Variants in HLCS observed in about 807,000 individuals in gnomAD.
HLCS encodes biotin--protein ligase.
Under a neutral mutation model 75.0 loss-of-function variants are expected in HLCS, and 53 were observed. The ratio of observed to expected loss-of-function variants is 0.71; its 90% CI spans 0.57 to 0.89. HLCS has a LOEUF of 0.89. HLCS is among the 40% of genes least tolerant of loss of function. The pLI, the probability that HLCS is intolerant of heterozygous loss-of-function variation, is 0.00. For missense variants in HLCS, 966 were observed against 1,074.0 expected (o/e 0.90, Z 1.41); for synonymous variants, 431 against 428.6 (o/e 1.01, Z -0.07).
At chr21:36,871,084 C>A (rs1277649790) in intron 6 of HLCS, among the ~76,000 whole-genome samples, 2 of 152,182 alleles carry the variant, frequency 1.3e-5, no homozygotes, top group African/African-American at 2.4e-5. Flanking sequence ...CGGCCGTGTG[C>A]CCAGCAGGGA....
At chr21:36,868,392 G>A (rs544225506) in intron 6 of HLCS, among the ~76,000 whole-genome samples, 19 of 152,182 alleles carry the variant, frequency 1.2e-4, no homozygotes, top group African/African-American at 4.1e-4. Flanking sequence ...GTGGGAATGA[G>A]AGAAAGGAAG....
chr21:36,954,476 C>A (rs1331072296), intron 2 of HLCS, among the ~76,000 whole-genome samples: 1 of 151,256 alleles, frequency 6.6e-6, no homozygotes, highest in Non-Finnish European at 1.5e-5. Flanking sequence ...ATTAACCAGG[C>A]GTGGTGGCGG....
chr21:36,938,966 G>A lies in HLCS; in HGVS notation c.359C>T (p.Pro120Leu). 1 of 1,610,680 alleles carries A rather than the reference G, an allele frequency of 6.2e-7. No homozygotes were observed. Among genetic ancestry groups the A allele is most frequent in the East Asian group, 2.2e-5 (1 of 44,876 alleles). ...AGGATCCCCAGGTCTGCAAGCTAAT[G>A]GCAAACAACAGTCTGACCACTTGAC... ...TIVKWSDCCL[P>L]LACRPGDPYR... The change falls in exon 3 of 11, where the codon CCA (proline) becomes CTA (leucine). Residue 120 changes from proline to leucine, a missense_variant. Transcript: ENST00000674895.
chr21:36,941,441 A>C (rs1236730681), intron 2 of HLCS, among the ~76,000 whole-genome samples: 1 of 152,268 alleles, frequency 6.6e-6, no homozygotes, highest in Non-Finnish European at 1.5e-5. Flanking sequence ...ACACATATAG[A>C]CCAAGAGAAC....
At chr21:36,947,946 G>C (rs1033917171) in intron 2 of HLCS, 14 of 985,350 alleles carry the variant, frequency 1.4e-5, no homozygotes, top group Non-Finnish European at 1.6e-5. Flanking sequence ...TTGTTAAAAA[G>C]CTCTAGTAAC....
intron 6 of HLCS, among the ~76,000 whole-genome samples, chr21:36,840,245 C>T (rs2062568959): frequency 6.6e-6 from 1 of 152,010 alleles, no homozygotes; most frequent in Non-Finnish European, 1.5e-5. Flanking sequence ...ATTACTATTC[C>T]TAAATACAAA....
At chr21:36,801,110 C>G (rs1357526547) in intron 6 of HLCS, among the ~76,000 whole-genome samples, 1 of 152,100 alleles carries the variant, frequency 6.6e-6, no homozygotes, top group African/African-American at 2.4e-5. Context: ...TTATGTATTT[C>G]CTACATAAAT....
chr21:36,948,728 C>CAAAA (rs58685577), intron 2 of HLCS, among the ~76,000 whole-genome samples: 1,217 of 55,850 alleles, frequency 0.022, 209 homozygotes, highest in African/African-American at 0.056. Flanking sequence ...GACCCTGTCT[C>CAAAA]AAAAAAAAAA....
At chr21:36,847,934 G>A (rs1199014658) in intron 6 of HLCS, among the ~76,000 whole-genome samples, 1 of 152,122 alleles carries the variant, frequency 6.6e-6, no homozygotes. Flanking sequence ...ACAAAATTGG[G>A]TCATACAATA....
chr21:36,907,056 G>A (rs969072235), intron 5 of HLCS, among the ~76,000 whole-genome samples: 1 of 152,120 alleles, frequency 6.6e-6, no homozygotes, highest in African/African-American at 2.4e-5. Context: ...TGACAACAGT[G>A]CCCAAGATAA....
chr21:36,882,620 CTTTTT>C (rs35012674), intron 6 of HLCS, among the ~76,000 whole-genome samples: 8 of 104,478 alleles, frequency 7.7e-5, no homozygotes, highest in African/African-American at 2.5e-4. Flanking sequence ...TTCTTTCTTT[CTTTTT>C]TTTTTTTTTT....
At chr21:36,803,676 TAGAA>T (rs939439116) in intron 6 of HLCS, among the ~76,000 whole-genome samples, 9 of 149,296 alleles carry the variant, frequency 6.0e-5, no homozygotes, top group African/African-American at 2.0e-4. Context: ...AAAGCAGAAG[TAGAA>T]AGAAAGAAAA....
At chr21:36,951,782 T>TA (rs1275739918) in intron 2 of HLCS, among the ~76,000 whole-genome samples, 1 of 152,244 alleles carries the variant, frequency 6.6e-6, no homozygotes, top group African/African-American at 2.4e-5. Context: ...CAATTCTTAC[T>TA]AAATGCAATT....
intron 6 of HLCS, among the ~76,000 whole-genome samples, chr21:36,775,121 C>T (rs1266864039): frequency 6.6e-6 from 1 of 152,232 alleles, no homozygotes; most frequent in Non-Finnish European, 1.5e-5. Context: ...CAGAGAGATG[C>T]CTGTGGGTCA....
At chr21:36,941,149 T>G (rs1357713454) in intron 2 of HLCS, among the ~76,000 whole-genome samples, 3 of 152,018 alleles carry the variant, frequency 2.0e-5, no homozygotes, top group Non-Finnish European at 4.4e-5. Context: ...GAGTTGGAGG[T>G]TGCAGTAAGC....
chr21:36,776,727 A>G (rs1054309301), intron 6 of HLCS, among the ~76,000 whole-genome samples: 1 of 152,188 alleles, frequency 6.6e-6, no homozygotes, highest in Admixed American at 6.5e-5. Flanking sequence ...TGGCACTATT[A>G]TCTAATCCAG....
intron 1 of HLCS, among the ~76,000 whole-genome samples, chr21:36,985,560 G>A (rs924829967): frequency 2.6e-4 from 39 of 152,232 alleles, no homozygotes; most frequent in Non-Finnish European, 5.0e-4. Flanking sequence ...GAGATCAAGA[G>A]ATCGAGACCA....
At chr21:36,882,045 G>C (rs2064242073) in intron 6 of HLCS, among the ~76,000 whole-genome samples, 1 of 152,076 alleles carries the variant, frequency 6.6e-6, no homozygotes, top group South Asian at 2.1e-4. Flanking sequence ...CATTTTGGGA[G>C]GCCGAAGCGG....
At chr21:36,822,984 G>A (rs572860491) in intron 6 of HLCS, among the ~76,000 whole-genome samples, 3 of 152,286 alleles carry the variant, frequency 2.0e-5, no homozygotes, top group Non-Finnish European at 4.4e-5. Context: ...ATTGATTAGG[G>A]CATAACCACT....
Sources: gnomAD v4.1 joint callset for allele counts (sites outside exome capture counted in the v4.1 genomes callset) on GRCh38, gnomAD v4.1.1 for gene constraint, MANE v1.5 for transcripts, NCBI Gene and HGNC (gene_info 2026-07-23, HGNC 2026-07-21) for gene names.